PLXNA4: variants seen among roughly 807,000 people sequenced by gnomAD.
PLXNA4 encodes the protein plexin-A4.
In PLXNA4, 44 loss-of-function variants were observed where a neutral mutation model predicts 191.8. The ratio of observed to expected loss-of-function variants is 0.23; its 90% confidence interval spans 0.18 to 0.29. The LOEUF (loss-of-function observed/expected upper bound fraction) is 0.29, where lower values mean the gene tolerates loss of function less well. Ranked by LOEUF, PLXNA4 falls within the 10% of genes least tolerant of loss-of-function variation. PLXNA4 has a pLI of 1.00. For missense variants in PLXNA4, 1,800 were observed against 2,488.8 expected, an observed-to-expected ratio of 0.72 and a Z score of 5.89; for synonymous variants, 1,082 against 1,009.5, an observed-to-expected ratio of 1.07 and a Z score of -1.36.
intron 13 of PLXNA4, among the ~76,000 whole-genome samples, chr7:132,197,788 C>A (rs78534655): frequency 2.6e-5 from 4 of 152,052 alleles, no homozygotes; most frequent in Non-Finnish European, 5.9e-5. Flanking sequence ...GGAAGACTTG[C>A]GAAGAGTCAA....
intron 2 of PLXNA4, among the ~76,000 whole-genome samples, chr7:132,630,802 C>A (rs893053143): frequency 2.0e-5 from 3 of 152,186 alleles, no homozygotes; most frequent in Admixed American, 2.0e-4. Context: ...TGAGCCACTG[C>A]GCCTGGCCTT....
chr7:132,481,686 G>T (rs1797342834), intron 3 of PLXNA4, among the ~76,000 whole-genome samples: 2 of 152,136 alleles, frequency 1.3e-5, no homozygotes, highest in South Asian at 4.2e-4. Flanking sequence ...AAGATGCTGG[G>T]TGCCTCCCCA....
At chr7:132,529,154 T>A (rs1189763758) in intron 1 of PLXNA4, among the ~76,000 whole-genome samples, 2 of 152,200 alleles carry the variant, frequency 1.3e-5, no homozygotes, top group Non-Finnish European at 1.5e-5. Context: ...CAGTCCATAA[T>A]AACCCCACCC....
chr7:132,265,013 C>T (rs938728085), intron 4 of PLXNA4, among the ~76,000 whole-genome samples: 1 of 152,162 alleles, frequency 6.6e-6, no homozygotes, highest in African/African-American at 2.4e-5. Context: ...CCTTTTAATG[C>T]TAATAGAGAA....
At chr7:132,182,229 T>C (rs1329648073) in intron 16 of PLXNA4, 39 bp from the exon 17 acceptor site, 2 of 1,610,056 alleles carry the variant, frequency 1.2e-6, no homozygotes, top group African/African-American at 2.7e-5. Flanking sequence ...AAATGATAAG[T>C]TCAGGAAGAG....
rs1009776638 is a variant in PLXNA4 at position 132,174,789 on chromosome 7, G to A, written c.4006C>T (p.Arg1336Trp). The A allele has an allele frequency of 3.7e-6, 6 of 1,613,884 alleles. No homozygotes were observed. The highest frequency in any genetic ancestry group is 1.7e-5 in the Admixed American group (1 of 60,004). Residue 1336 changes from arginine to tryptophan, a missense_variant, in exon 21 of 32, where the codon CGG becomes TGG. Arg to Trp is a moderately radical substitution (Grantham distance 101, BLOSUM62 -3). Around this residue, in one of 6 missense-constraint regions of PLXNA4, gnomAD observed 1,397 missense variants for 1,880.4 expected, o/e 0.74. Coordinates refer to ENST00000321063, the MANE Select transcript of PLXNA4 (RefSeq NM_020911.2). The part of the protein sequence containing the change: ...FPGIEDHPVL[R>W]DLEVPGYRQE... The stretch of plus-strand genomic sequence containing the variant: ...GCACTGCTTCTCACCTCAAGGTCCC[G>A]GAGGACAGGGTGGTCTTCAATTCCT...
Position 132,489,325 on chromosome 7 carries a change from G to A in PLXNA4, c.1338C>T (p.Ala446=). 7 of 1,592,368 alleles carry A rather than the reference G, an allele frequency of 4.4e-6. No homozygotes were observed. The highest frequency in any genetic ancestry group is 6.0e-6 in the Non-Finnish European group (7 of 1,161,652). ...IAYVYKNHSL[A]FVGTKSGKLK... ...GCTTGCCACTTTTGGTGCCCACAAA[G>A]GCCAGAGAGTGGTTCTTGTAGACAT... The change falls in exon 3 of 32, where the codon GCC becomes GCT. Residue 446 remains alanine (A), a synonymous_variant. Transcript: ENST00000321063.
intron 3 of PLXNA4, among the ~76,000 whole-genome samples, chr7:132,332,621 G>A (rs1161596298): frequency 1.3e-5 from 2 of 152,032 alleles, no homozygotes; most frequent in East Asian, 1.9e-4. Flanking sequence ...GGCCAAGGCG[G>A]GAGGACTGCT....
intron 3 of PLXNA4, among the ~76,000 whole-genome samples, chr7:132,358,778 C>T (rs980173630): frequency 3.3e-5 from 5 of 152,076 alleles, no homozygotes; most frequent in African/African-American, 7.2e-5. Flanking sequence ...CAGTTATGAG[C>T]GAGTATCACT....
intron 25 of PLXNA4, among the ~76,000 whole-genome samples, chr7:132,154,579 G>A (rs1483267478): frequency 6.6e-6 from 1 of 152,190 alleles, no homozygotes; most frequent in African/African-American, 2.4e-5. Context: ...TGCCTAGAGA[G>A]CGAAAGGCAA....
In PLXNA4 at chr7:132,168,693, C is replaced by G; in HGVS notation, c.4018-121G>C. On this transcript the variant is annotated intron_variant, in intron 21 of 31. Coordinates refer to ENST00000321063, the MANE Select transcript of PLXNA4 (RefSeq NM_020911.2). ...ATCCACCAATTAAGCCACAGTCCAC[C>G]TGGCTAATGCTGTCAAGCCCTTAGC... 2.2e-6 allele frequency: 3 copies of G among 1,354,650 alleles called. No individual in the cohort carries two copies. The East Asian group carries it at 7.7e-5, about 35-fold the overall frequency. 83.9% of individuals were successfully genotyped at this position (1,354,650 alleles called of 1,614,324 possible).
At chr7:132,141,640 C>T (rs1019795364) in intron 29 of PLXNA4, among the ~76,000 whole-genome samples, 1 of 152,180 alleles carries the variant, frequency 6.6e-6, no homozygotes, top group Non-Finnish European at 1.5e-5. Flanking sequence ...AAGCATCAAG[C>T]CTACCCAGAG....
At chr7:132,202,101 C>T (rs1797457227) in intron 12 of PLXNA4, among the ~76,000 whole-genome samples, 1 of 152,192 alleles carries the variant, frequency 6.6e-6, no homozygotes. Context: ...GTGTTTGGCT[C>T]TTCACCGTGT....
intron 3 of PLXNA4, among the ~76,000 whole-genome samples, chr7:132,478,904 C>T (rs1797229813): frequency 6.6e-6 from 1 of 152,088 alleles, no homozygotes; most frequent in South Asian, 2.1e-4. Context: ...CTCTTTCCTT[C>T]CAACCTCCTT....
intron 2 of PLXNA4, among the ~76,000 whole-genome samples, chr7:132,591,154 C>T (rs1348844240): frequency 6.6e-6 from 1 of 152,146 alleles, no homozygotes; most frequent in Admixed American, 6.5e-5. Flanking sequence ...AAGGTGTCAT[C>T]CTCTGCAGAT....
chr7:132,301,661 G>A (rs986556315), intron 3 of PLXNA4, among the ~76,000 whole-genome samples: 2 of 152,156 alleles, frequency 1.3e-5, no homozygotes, highest in Non-Finnish European at 2.9e-5. Flanking sequence ...CCTTCAAGAC[G>A]TCAAAGGAGT....
intron 9 of PLXNA4, among the ~76,000 whole-genome samples, chr7:132,219,777 TATA>T (rs1324644718): frequency 6.6e-5 from 10 of 152,176 alleles, no homozygotes; most frequent in African/African-American, 2.4e-4. Context: ...CTCATAAGAT[TATA>T]ATATTGTGTT....
intron 2 of PLXNA4, among the ~76,000 whole-genome samples, chr7:132,626,123 T>C (rs1803366951): frequency 6.6e-6 from 1 of 152,172 alleles, no homozygotes; most frequent in South Asian, 2.1e-4. Flanking sequence ...TTCACTCTCC[T>C]TCCCTTCACT....
chr7:132,546,399 G>C (rs1344422480), intron 1 of PLXNA4, among the ~76,000 whole-genome samples: 1 of 152,196 alleles, frequency 6.6e-6, no homozygotes, highest in African/African-American at 2.4e-5. Flanking sequence ...GGAACTGAGA[G>C]ACTAAAAATC....
Sources: gnomAD v4.1 joint callset for allele counts (sites outside exome capture counted in the v4.1 genomes callset) on GRCh38, gnomAD v4.1.1 for gene constraint, gnomAD v4.1.1 regional missense constraint, MANE v1.5 for transcripts, NCBI Gene and HGNC (gene_info 2026-07-23, HGNC 2026-07-21) for gene names.